Variants in ANKRD62 observed in about 807,000 individuals in gnomAD.
ANKRD62 encodes ankyrin repeat domain-containing protein 62.
A neutral mutation model predicts 98.8 loss-of-function variants in ANKRD62; 61 were observed. The observed-to-expected ratio is 0.62, with a 90% CI of 0.50 to 0.76. The LOEUF is 0.76. Ranked by LOEUF, ANKRD62 falls within the 30% of genes least tolerant of loss-of-function variation. The probability of loss-of-function intolerance (pLI) is 0.00; values close to 1 mark genes in which losing one functional copy is unlikely to be tolerated. For synonymous variants in ANKRD62, 341 were observed against 367.9 expected (o/e 0.93, Z 0.84); for missense variants, 933 against 1,082.9 (o/e 0.86, Z 1.94).
At chr18:12,101,627 C>T (rs532569557) in intron 6 of ANKRD62, among the ~76,000 whole-genome samples, 2 of 152,220 alleles carry the variant, frequency 1.3e-5, no homozygotes, top group East Asian at 3.9e-4. Flanking sequence ...GTCCATCATT[C>T]CCAGGGCAAA....
chr18:12,120,912 AT>A (rs1393539505), intron 10 of ANKRD62, among the ~76,000 whole-genome samples: 3 of 152,184 alleles, frequency 2.0e-5, no homozygotes, highest in African/African-American at 7.2e-5. Context: ...GTACACTTTT[AT>A]TTATTTTTTT....
At chr18:12,118,687 C>T (rs1435614850) in intron 10 of ANKRD62, among the ~76,000 whole-genome samples, 1 of 150,140 alleles carries the variant, frequency 6.7e-6, no homozygotes, top group African/African-American at 2.4e-5. Context: ...ATGTATGGTT[C>T]CTTCATGTAT....
At chr18:12,141,017 T>C in the ANKRD62 span, among the ~76,000 whole-genome samples, 93,385 of 152,188 alleles carry the variant, frequency 0.61, 29,107 homozygotes, top group Middle Eastern at 0.76. Flanking sequence ...TCGAGCTTCC[T>C]GGCTGCTTTG....
rs1348987828 is a variant in ANKRD62 at position 12,095,515 on chromosome 18, G to A, written c.412G>A (p.Gly138Ser). 1.9e-6 allele frequency: 3 copies of A among 1,568,370 alleles called. No homozygotes were observed. The highest frequency in any genetic ancestry group is 2.6e-6 in the Non-Finnish European group (3 of 1,163,138). Reference sequence around the variant, plus strand: ...CAACCCAAATGTTAGAGATATGTATGGCAACACTGCTCTGCACTATGCCAT... The same window carrying A: ...CAACCCAAATGTTAGAGATATGTATAGCAACACTGCTCTGCACTATGCCAT... ...GANPNVRDMY[G>S]NTALHYAIDN... Residue 138 changes from glycine to serine, a missense_variant, in exon 3 of 14, where the codon GGC becomes AGC. This residue lies in a region of ANKRD62 where 549 missense variants were observed against 587.9 expected (regional missense o/e 0.93). Transcript: ENST00000587848.
chr18:12,098,200 G>A (rs944663956), intron 5 of ANKRD62, among the ~76,000 whole-genome samples: 9 of 152,224 alleles, frequency 5.9e-5, no homozygotes, highest in East Asian at 1.9e-4. Flanking sequence ...CATGTTGTCC[G>A]CAGTGGGCTC....
downstream of ANKRD62, among the ~76,000 whole-genome samples, chr18:12,131,519 C>CT (rs200998080): frequency 5.1e-3 from 771 of 151,970 alleles, 4 homozygotes; most frequent in African/African-American, 0.017. Context: ...GTGTGTATCC[C>CT]TTTTTTTTCT....
intron 4 of ANKRD62, among the ~76,000 whole-genome samples, chr18:12,097,105 A>G (rs552429191): frequency 3.3e-5 from 5 of 152,292 alleles, no homozygotes; most frequent in African/African-American, 9.6e-5. Flanking sequence ...CAAGAGGATA[A>G]TAATATATCC....
chr18:12,171,518 G>A, the ANKRD62 span, among the ~76,000 whole-genome samples: 2 of 152,200 alleles, frequency 1.3e-5, no homozygotes, highest in Non-Finnish European at 1.5e-5. Context: ...CTGTTAGTGT[G>A]ATGGGCTTCC....
the ANKRD62 span, among the ~76,000 whole-genome samples, chr18:12,154,691 C>G: frequency 6.6e-6 from 1 of 152,160 alleles, no homozygotes; most frequent in Admixed American, 6.5e-5. Context: ...CATCACTATT[C>G]GCAATAGCAA....
At chr18:12,100,870 T>C (rs1051124382) in intron 6 of ANKRD62, among the ~76,000 whole-genome samples, 3 of 152,190 alleles carry the variant, frequency 2.0e-5, no homozygotes, top group Non-Finnish European at 4.4e-5. Flanking sequence ...AGCTAAAATA[T>C]TATTATAATA....
chr18:12,135,666 A>G, the ANKRD62 span, among the ~76,000 whole-genome samples: 5 of 151,764 alleles, frequency 3.3e-5, no homozygotes, highest in African/African-American at 1.2e-4. Flanking sequence ...CCAACAGTGT[A>G]AAAGTGTTCC....
chr18:12,127,545 G>A (rs1314191517), intron 13 of ANKRD62, among the ~76,000 whole-genome samples: 2 of 152,122 alleles, frequency 1.3e-5, no homozygotes. Context: ...TGAGTAACAC[G>A]GCACCAGTTT....
chr18:12,117,446 AC>A (rs1296759758), intron 10 of ANKRD62, among the ~76,000 whole-genome samples: 20 of 152,188 alleles, frequency 1.3e-4, no homozygotes, highest in African/African-American at 4.8e-4. Context: ...AACTGGGATG[AC>A]TTTTATTTCT....
the ANKRD62 span, among the ~76,000 whole-genome samples, chr18:12,165,895 A>G: frequency 6.6e-6 from 1 of 152,092 alleles, no homozygotes; most frequent in Non-Finnish European, 1.5e-5. Context: ...TATTTTTGCC[A>G]GATATACTAT....
chr18:12,138,687 G>A, the ANKRD62 span, among the ~76,000 whole-genome samples: 1 of 152,118 alleles, frequency 6.6e-6, no homozygotes, highest in African/African-American at 2.4e-5. Context: ...GTCTAAGTCT[G>A]TTTGTAGGTC....
intron 5 of ANKRD62, 72 bp downstream of exon 5, chr18:12,097,849 C>A: frequency 6.7e-7 from 1 of 1,481,930 alleles, no homozygotes; most frequent in Non-Finnish European, 9.0e-7. Flanking sequence ...TCTTATATAT[C>A]AAGTGAGATT....
At chr18:12,116,489 AG>A (rs1909668483) in intron 10 of ANKRD62, among the ~76,000 whole-genome samples, 1 of 152,212 alleles carries the variant, frequency 6.6e-6, no homozygotes, top group Admixed American at 6.5e-5. Context: ...TTTGTGAAAT[AG>A]TATTTTGTGT....
chr18:12,122,680 G>T (rs1184421451), intron 11 of ANKRD62, among the ~76,000 whole-genome samples, 164 bp downstream of exon 11: 2 of 152,132 alleles, frequency 1.3e-5, no homozygotes, highest in Non-Finnish European at 2.9e-5. Context: ...AGTTAATTGT[G>T]AATACTTCTC....
In ANKRD62 at chr18:12,125,831, T is replaced by A. The variant is rs1316943274; in HGVS notation, c.2010T>A (p.Arg670=). Residue 670 remains arginine (R), a synonymous_variant, in exon 13 of 14, where the codon CGT becomes CGA. Transcript: ENST00000587848. The stretch of plus-strand genomic sequence containing the variant: ...CTGCCCTATGTGATCATGATCAACG[T>A]CAGTCATCAAAAAGAGACCTACAGC... ...LAAALCDHDQ[R]QSSKRDLQLA... 7 of 1,549,364 alleles carry A rather than the reference T, an allele frequency of 4.5e-6. No individual in the cohort carries two copies. Among genetic ancestry groups the A allele is most frequent in the Non-Finnish European group, 6.1e-6 (7 of 1,147,394 alleles).
Sources: allele counts gnomAD v4.1 joint callset (sites outside exome capture counted in the v4.1 genomes callset), GRCh38; gene constraint gnomAD v4.1.1; regional missense constraint gnomAD v4.1.1; transcripts MANE v1.5; gene names NCBI Gene and HGNC (gene_info 2026-07-23, HGNC 2026-07-21).